The following TAF1B variants were observed in gnomAD, a reference collection of about 807,000 sequenced individuals.
TAF1B encodes the protein TATA box-binding protein-associated factor RNA polymerase I subunit B.
TAF1B carries 61 observed loss-of-function variants against 83.9 expected under a neutral mutation model. That is an observed-to-expected ratio of 0.73 (90% CI 0.59 to 0.90). The LOEUF (loss-of-function observed/expected upper bound fraction) is 0.90, where lower values mean the gene tolerates loss of function less well. Among genes scored for constraint, TAF1B ranks in the 40% least tolerant of loss-of-function variants. The probability of loss-of-function intolerance (pLI) is 0.00; values close to 1 mark genes in which losing one functional copy is unlikely to be tolerated. For missense variants in TAF1B, 625 were observed against 677.0 expected (o/e 0.92, Z 0.85); for synonymous variants, 221 against 224.6 (o/e 0.98, Z 0.14).
intron 5 of TAF1B, 40 bp downstream of exon 5, chr2:9,854,461 C>CAACAGACA: frequency 6.8e-7 from 1 of 1,464,858 alleles, no homozygotes; most frequent in Non-Finnish European, 9.6e-7. Context: ...AAAAACATGT[C>CAACAGACA]TGTTGAGATG....
chr2:9,846,087 A>G lies in TAF1B; in HGVS notation c.117+769A>G, dbSNP rs534251512. The G allele has an allele frequency of 8.5e-6, 4 of 471,094 alleles. No individual in the cohort carries two copies. The East Asian group carries it at 2.8e-4, about 33-fold the overall frequency. 29.2% of individuals were successfully genotyped at this position (471,094 alleles called of 1,614,324 possible). A position where few individuals can be genotyped will look rare whatever the true frequency, so the allele number is the denominator to read the frequency against. ...TACAGATTACAAAGTTTTTGGATCC[A>G]TTATCTCATTTCCTCCTCATCACTA... On this transcript the variant is annotated intron_variant, in intron 2 of 14. Transcript: ENST00000263663.
In TAF1B at chr2:9,910,876, T is replaced by C. The variant is rs773376630; in HGVS notation, c.1096T>C (p.Leu366=). The part of the protein sequence containing the change: ...VQAVAIIVVV[L]KLLFLLDDSF... ...AGCTGTAGCTATCATTGTGGTGGTA[T>C]TGAAACTGCTCTTTCTATTGGATGA... Residue 366 remains leucine, a synonymous_variant, in exon 10 of 15, where the codon TTG becomes CTG. Transcript: ENST00000263663. The C allele has an allele frequency of 1.2e-6, 2 of 1,612,390 alleles. No homozygotes were observed. Among genetic ancestry groups the C allele is most frequent in the Non-Finnish European group, 1.7e-6 (2 of 1,179,204 alleles).
chr2:9,898,562 T>G lies in TAF1B; in HGVS notation c.808-6297T>G, dbSNP rs549086503. Among the ~76,000 whole-genome samples, 193 of 152,288 alleles carry G rather than the reference T, an allele frequency of 1.3e-3. 2 individuals carry two copies. The highest frequency in any genetic ancestry group is 4.4e-3 in the African/African-American group (183 of 41,550). ...GAAACTGGTCTGTGAGTTTAACATA[T>G]ATGAAAACAGTGAAAATCAAGGCTG... On this transcript the variant is annotated intron_variant, in intron 8 of 14. Coordinates refer to ENST00000263663, the MANE Select transcript of TAF1B (RefSeq NM_005680.3).
At chr2:9,926,853 T>C (rs1034601824) in intron 14 of TAF1B, among the ~76,000 whole-genome samples, 4 of 150,654 alleles carry the variant, frequency 2.7e-5, no homozygotes, top group Non-Finnish European at 4.4e-5. Flanking sequence ...TAGTTAGAGA[T>C]TTGATCAGAT....
intron 8 of TAF1B, among the ~76,000 whole-genome samples, chr2:9,890,996 T>A (rs984759628): frequency 6.6e-6 from 1 of 152,188 alleles, no homozygotes; most frequent in African/African-American, 2.4e-5. Flanking sequence ...GGTCTCGAAC[T>A]CCCGACCTCA....
chr2:9,850,322 C>G (rs1663348038), intron 3 of TAF1B, among the ~76,000 whole-genome samples: 1 of 152,098 alleles, frequency 6.6e-6, no homozygotes. Flanking sequence ...CCTCATCACC[C>G]TTAATTTCTT....
intron 7 of TAF1B, among the ~76,000 whole-genome samples, chr2:9,877,510 C>T (rs1307884738): frequency 1.3e-5 from 2 of 151,844 alleles, no homozygotes; most frequent in East Asian, 3.9e-4. Flanking sequence ...TGCATTCCCT[C>T]TCTCTCTCTG....
chr2:9,876,695 A>G (rs1345514091), intron 7 of TAF1B, among the ~76,000 whole-genome samples: 2 of 152,228 alleles, frequency 1.3e-5, no homozygotes, highest in Non-Finnish European at 2.9e-5. Context: ...ACAAATTAGG[A>G]ACCAAACTGC....
chr2:9,919,495 A>G, intron 13 of TAF1B, 103 bp from the exon 14 acceptor site: 1 of 1,049,022 alleles, frequency 9.5e-7, no homozygotes, highest in African/African-American at 1.6e-5. Context: ...ATCTGCGAAA[A>G]CTAAGGAACC....
At chr2:9,905,603 G>A (rs1665316352) in intron 9 of TAF1B, among the ~76,000 whole-genome samples, 1 of 152,150 alleles carries the variant, frequency 6.6e-6, no homozygotes, top group South Asian at 2.1e-4. Context: ...ATCTGCTGGT[G>A]GAATCCAGTC....
chr2:9,890,657 G>A (rs1172453552), intron 8 of TAF1B, among the ~76,000 whole-genome samples: 2 of 151,864 alleles, frequency 1.3e-5, no homozygotes, highest in African/African-American at 2.4e-5. Flanking sequence ...ACATGTATGG[G>A]GTACAGTGAT....
intron 7 of TAF1B, among the ~76,000 whole-genome samples, chr2:9,879,827 G>A (rs1212364195): frequency 1.3e-5 from 2 of 152,152 alleles, no homozygotes; most frequent in Non-Finnish European, 1.5e-5. Flanking sequence ...CAATTCAGTG[G>A]TTTTCAATAT....
At position 9,919,761 on chromosome 2, in the gene TAF1B, C is replaced by T. The variant is rs1251138825; in HGVS notation, c.1506C>T (p.Gly502=). ...TTCAGGGAGTCCTGAAAGAGAAAGG[C>T]CAATCACTGCTGACTAAGAATTCAT... ...HSLQGVLKEK[G]QSLLTKNSLY... The change falls in exon 14 of 15, where the codon GGC becomes GGT. Residue 502 remains glycine (G), a synonymous_variant. Transcript: ENST00000263663. The T allele has an allele frequency of 6.2e-7, 1 of 1,614,136 alleles. No individual in the cohort carries two copies. Among genetic ancestry groups the T allele is most frequent in the East Asian group, 2.2e-5 (1 of 44,872 alleles).
At chr2:9,847,019 A>G (rs1279818973) in intron 2 of TAF1B, among the ~76,000 whole-genome samples, 1 of 152,244 alleles carries the variant, frequency 6.6e-6, no homozygotes, top group East Asian at 1.9e-4. Context: ...TAGTAGATGA[A>G]GTCAGCATAC....
At position 9,845,214 on chromosome 2, in the gene TAF1B, C is replaced by T; in HGVS notation, c.19-6C>T. ...GGAACACCTTTTCTGTCCTCTTCTC[C>T]CATAGGAAGAGTTTAAAGAACGCTG... On this transcript the variant is annotated splice_polypyrimidine_tract_variant and splice_region_variant and intron_variant, in intron 1 of 14. Transcript: ENST00000263663. The T allele has an allele frequency of 6.4e-7, 1 of 1,565,584 alleles. No homozygotes were observed.
At chr2:9,907,189 GT>G (rs35638451) in intron 9 of TAF1B, among the ~76,000 whole-genome samples, 33,320 of 145,572 alleles carry the variant, frequency 0.23, 4,400 homozygotes, top group East Asian at 0.31. Context: ...AGCCTGGCCT[GT>G]TTTTTTTTTT....
chr2:9,873,852 C>T (rs543745991), intron 6 of TAF1B, among the ~76,000 whole-genome samples: 1 of 152,082 alleles, frequency 6.6e-6, no homozygotes, highest in East Asian at 1.9e-4. Flanking sequence ...TCATGGCTTT[C>T]CTGGAAGAGT....
chr2:9,894,337 A>G (rs1377442273), intron 8 of TAF1B, among the ~76,000 whole-genome samples: 1 of 152,208 alleles, frequency 6.6e-6, no homozygotes, highest in Non-Finnish European at 1.5e-5. Flanking sequence ...TTATTATACA[A>G]TATATCAGAA....
In TAF1B at chr2:9,849,453, C is replaced by G. The variant is rs368500459; in HGVS notation, c.198C>G (p.Asn66Lys). The change falls in exon 3 of 15, where the codon AAC becomes AAG. Residue 66 changes from asparagine (N) to lysine (K), a missense_variant. Coordinates refer to ENST00000263663, the MANE Select transcript of TAF1B (RefSeq NM_005680.3). ...TCAACCGGGGGCTTAAAAAAAAAAA[C>G]AATACTGGTAAGTTCTTTCTTCATA... ...KALNRGLKKKNNTEKGWDWYV... is the reference protein window; with the variant it reads ...KALNRGLKKKKNTEKGWDWYV... 247 of 1,504,818 alleles carry G rather than the reference C, an allele frequency of 1.6e-4. No individual in the cohort carries two copies. Among genetic ancestry groups the G allele is most frequent in the Middle Eastern group, 9.6e-4 (5 of 5,192 alleles). 93.2% of individuals were successfully genotyped at this position (1,504,818 alleles called of 1,614,324 possible).
Sources: gnomAD v4.1 joint callset for allele counts (sites outside exome capture counted in the v4.1 genomes callset) on GRCh38, gnomAD v4.1.1 for gene constraint, MANE v1.5 for transcripts, NCBI Gene and HGNC (gene_info 2026-07-23, HGNC 2026-07-21) for gene names.